The following ASIP variants were observed in gnomAD, a reference collection of about 807,000 sequenced individuals.
The protein encoded by ASIP is agouti signaling protein.
Under a neutral mutation model 10.3 loss-of-function variants are expected in ASIP, and 11 were observed. That is an observed-to-expected ratio of 1.07 (90% CI 0.68 to 1.78). The LOEUF (loss-of-function observed/expected upper bound fraction) is 1.78. Ranked by LOEUF, ASIP falls within the 40% of genes most tolerant of loss-of-function variation. ASIP has a pLI of 0.00. For synonymous variants in ASIP, 70 were observed against 70.8 expected (o/e 0.99, Z 0.06); for missense variants, 180 against 169.2 (o/e 1.06, Z -0.35).
upstream of ASIP, among the ~76,000 whole-genome samples, chr20:34,237,622 T>C (rs1009062900): frequency 2.0e-5 from 3 of 152,346 alleles, no homozygotes; most frequent in Non-Finnish European, 4.4e-5. Context: ...TCCTTCCTTT[T>C]TAATGCGGAT....
At chr20:34,206,405 A>AT (rs935277301) in intron 1 of ASIP, among the ~76,000 whole-genome samples, 11 of 152,042 alleles carry the variant, frequency 7.2e-5, no homozygotes, top group African/African-American at 2.2e-4. Flanking sequence ...TCTGATATCG[A>AT]TTTTTTTAAC....
chr20:34,265,968 G>C (rs570642645), intron 3 of ASIP, among the ~76,000 whole-genome samples: 29 of 152,088 alleles, frequency 1.9e-4, no homozygotes, highest in African/African-American at 4.8e-4. Context: ...AAAAGCGGAG[G>C]GGGGGAAGTT....
At chr20:34,242,912 A>G (rs2035305920) in intron 1 of ASIP, among the ~76,000 whole-genome samples, 1 of 152,272 alleles carries the variant, frequency 6.6e-6, no homozygotes, top group African/African-American at 2.4e-5. Context: ...GAGAAGGAGA[A>G]AAGGCAGAGA....
intron 2 of ASIP, among the ~76,000 whole-genome samples, chr20:34,262,611 C>T (rs890405445): frequency 1.3e-5 from 2 of 152,164 alleles, no homozygotes; most frequent in African/African-American, 4.8e-5. Flanking sequence ...TTCCCATTTG[C>T]CTTCCCTCAG....
At chr20:34,268,939 A>G (rs2035838015) in intron 3 of ASIP, 52 bp from the exon 4 acceptor site, 1 of 1,554,972 alleles carries the variant, frequency 6.4e-7, no homozygotes, top group East Asian at 2.4e-5. Context: ...AGAGGTGAGG[A>G]CCGGAGGGGT....
intron 1 of ASIP, among the ~76,000 whole-genome samples, chr20:34,251,935 C>T (rs189747368): frequency 3.3e-4 from 51 of 152,278 alleles, no homozygotes; most frequent in East Asian, 1.2e-3. Flanking sequence ...AATAAATTTC[C>T]GTTGTTTAGA....
intron 1 of ASIP, among the ~76,000 whole-genome samples, chr20:34,254,917 C>T (rs1316800338): frequency 2.0e-5 from 3 of 152,208 alleles, no homozygotes; most frequent in Admixed American, 2.0e-4. Flanking sequence ...CAATCCAAGA[C>T]TCAGTCCAAC....
At chr20:34,227,425 G>A (rs569810481) in intron 1 of ASIP, among the ~76,000 whole-genome samples, 1 of 152,224 alleles carries the variant, frequency 6.6e-6, no homozygotes, top group East Asian at 1.9e-4. Flanking sequence ...GAGGTCAAGA[G>A]ATCGAGACCA....
intron 1 of ASIP, among the ~76,000 whole-genome samples, chr20:34,216,345 AGTGCGGGCG>A (rs2035008778): frequency 6.6e-6 from 1 of 152,182 alleles, no homozygotes; most frequent in South Asian, 2.1e-4. Context: ...TCTCATGGAG[AGTGCGGGCG>A]GCAGCCCGCG....
chr20:34,202,539 CT>C (rs1294198258), intron 1 of ASIP, among the ~76,000 whole-genome samples: 4 of 151,870 alleles, frequency 2.6e-5, no homozygotes, highest in African/African-American at 7.2e-5. Flanking sequence ...TCAAGTTTCC[CT>C]TTTTTTTCTG....
At chr20:34,197,029 T>C (rs1434293015) in intron 1 of ASIP, among the ~76,000 whole-genome samples, 1 of 151,910 alleles carries the variant, frequency 6.6e-6, no homozygotes, top group East Asian at 1.9e-4. Context: ...AATTTGAATC[T>C]TGTTTAAAAG....
At chr20:34,215,019 C>T (rs771930906) in intron 1 of ASIP, 52 of 1,450,316 alleles carry the variant, frequency 3.6e-5, no homozygotes, top group Non-Finnish European at 4.6e-5. Flanking sequence ...TCTTCCTGGT[C>T]AATGCTGAAA....
intron 1 of ASIP, among the ~76,000 whole-genome samples, chr20:34,252,646 T>G (rs1235535141): frequency 6.6e-6 from 1 of 152,172 alleles, no homozygotes; most frequent in Non-Finnish European, 1.5e-5. Flanking sequence ...TTATCTCAAC[T>G]GCAAAGAGGC....
intron 1 of ASIP, among the ~76,000 whole-genome samples, chr20:34,195,546 T>C (rs895493351): frequency 2.0e-5 from 3 of 152,178 alleles, no homozygotes; most frequent in Admixed American, 6.5e-5. Flanking sequence ...CAAAGATAAT[T>C]ACCAGGAATG....
chr20:34,206,832 G>A (rs114776435), intron 1 of ASIP, among the ~76,000 whole-genome samples: 2,551 of 152,218 alleles, frequency 0.017, 79 homozygotes, highest in African/African-American at 0.058. Context: ...CACCTGCCTC[G>A]ACCTCACAAA....
chr20:34,245,439 A>C (rs777011829), intron 1 of ASIP, among the ~76,000 whole-genome samples: 1 of 148,608 alleles, frequency 6.7e-6, no homozygotes, highest in Non-Finnish European at 1.5e-5. Flanking sequence ...CCCAGGTTGG[A>C]GTGCAATGGC....
At chr20:34,255,959 T>C (rs1001242456) in intron 1 of ASIP, among the ~76,000 whole-genome samples, 3 of 152,156 alleles carry the variant, frequency 2.0e-5, no homozygotes, top group Non-Finnish European at 4.4e-5. Context: ...CTGACATCAG[T>C]CAGGCCCACC....
intron 1 of ASIP, among the ~76,000 whole-genome samples, chr20:34,256,159 C>G (rs2035564863): frequency 1.3e-5 from 2 of 152,232 alleles, no homozygotes; most frequent in Admixed American, 6.5e-5. Context: ...TCTCTCTCCG[C>G]CTCGGCTGCC....
Position 34,215,784 on chromosome 20 carries a change from C to T in ASIP, c.-11+21024C>T. On this transcript the variant is annotated intron_variant, in intron 1 of 3. Coordinates refer to the ASIP transcript ENST00000568305. ...CTCTGGGCTAGAGCTTCTGCACACA[C>T]CTGCCAGGCATCTGGGGAAATCTTT... The T allele has an allele frequency of 3.9e-6, 6 of 1,544,796 alleles. No individual in the cohort carries two copies. The South Asian group carries it at 6.7e-5, about 17-fold the overall frequency.
Sources: gnomAD v4.1 joint callset for allele counts (sites outside exome capture counted in the v4.1 genomes callset) on GRCh38, gnomAD v4.1.1 for gene constraint, MANE v1.5 for transcripts, NCBI Gene and HGNC (gene_info 2026-07-23, HGNC 2026-07-21) for gene names.